KCNN2: variants seen among roughly 807,000 people sequenced by gnomAD.
KCNN2 encodes the protein small conductance calcium-activated potassium channel protein 2.
A neutral mutation model predicts 55.5 loss-of-function variants in KCNN2; 24 were observed. The observed-to-expected ratio is 0.43, with a 90% CI of 0.31 to 0.61. KCNN2 has a LOEUF of 0.61. Among genes scored for constraint, KCNN2 ranks in the 20% least tolerant of loss-of-function variants. The pLI is 0.08. For missense variants in KCNN2, 754 were observed against 853.6 expected, an observed-to-expected ratio of 0.88 and a Z score of 1.45; for synonymous variants, 431 against 336.1, an observed-to-expected ratio of 1.28 and a Z score of -3.09.
intron 1 of KCNN2, among the ~76,000 whole-genome samples, chr5:114,221,069 C>T (rs140023984): frequency 6.6e-6 from 1 of 152,326 alleles, no homozygotes; most frequent in African/African-American, 2.4e-5. Context: ...AATATCACCA[C>T]TATCCTATAT....
At chr5:114,062,442 T>C (rs1276779024) in intron 1 of KCNN2, among the ~76,000 whole-genome samples, 1 of 152,226 alleles carries the variant, frequency 6.6e-6, no homozygotes, top group Non-Finnish European at 1.5e-5. Context: ...AAAATAGGTT[T>C]ACTGATCATT....
At chr5:114,342,711 T>C (rs1433604672) in intron 2 of KCNN2, among the ~76,000 whole-genome samples, 1 of 152,220 alleles carries the variant, frequency 6.6e-6, no homozygotes, top group Non-Finnish European at 1.5e-5. Flanking sequence ...TATTCTTTCT[T>C]AACAGACTGT....
At chr5:114,250,158 C>A (rs1037302491) in intron 2 of KCNN2, among the ~76,000 whole-genome samples, 4 of 151,996 alleles carry the variant, frequency 2.6e-5, no homozygotes, top group African/African-American at 9.7e-5. Context: ...TTATAAAGAA[C>A]CAGGAAATAC....
chr5:114,355,877 C>A (rs1269885345), intron 2 of KCNN2, among the ~76,000 whole-genome samples: 2 of 152,080 alleles, frequency 1.3e-5, no homozygotes, highest in Non-Finnish European at 2.9e-5. Flanking sequence ...TTTTAAAATA[C>A]ATTTTAATTA....
At chr5:114,105,831 GTTTA>G (rs1751471769) in intron 1 of KCNN2, among the ~76,000 whole-genome samples, 1 of 151,818 alleles carries the variant, frequency 6.6e-6, no homozygotes, top group African/African-American at 2.4e-5. Context: ...TATATATTTA[GTTTA>G]TTTGTCTGGG....
In KCNN2 at chr5:114,449,879, T is replaced by TAC. The variant is rs745574908; in HGVS notation, c.1638-13141_1638-13140dup. 6.6e-3 allele frequency among the ~76,000 whole-genome samples: 620 copies of TAC among 93,442 alleles called. 4 individuals carry two copies. Among genetic ancestry groups the TAC allele is most frequent in the African/African-American group, 0.013 (448 of 35,002 alleles). The allele number at this position is 93,442 out of a possible 152,430, so 61.3% of individuals were successfully genotyped here. A position where few individuals can be genotyped will look rare whatever the true frequency, so the allele number is the denominator to read the frequency against. Reference sequence around the variant, plus strand: ...TTAGAATAGAGTAAGCATCCAAACATACACACACACACACACACACACACA... The same window carrying TAC: ...TTAGAATAGAGTAAGCATCCAAACATACACACACACACACACACACACACACA... On this transcript the variant is annotated intron_variant, in intron 3 of 7. Transcript: ENST00000673685.
intron 2 of KCNN2, among the ~76,000 whole-genome samples, chr5:114,279,607 A>G (rs1462822024): frequency 1.3e-5 from 2 of 152,100 alleles, no homozygotes; most frequent in African/African-American, 4.8e-5. Context: ...AGCTTCATCC[A>G]TGTCCCTGCA....
chr5:114,465,060 G>A (rs755483742), intron 4 of KCNN2, among the ~76,000 whole-genome samples: 12 of 152,106 alleles, frequency 7.9e-5, no homozygotes, highest in Non-Finnish European at 1.5e-4. Context: ...TTTTTGTCAA[G>A]ATGGTACCCT....
intron 1 of KCNN2, among the ~76,000 whole-genome samples, chr5:114,145,288 T>G (rs892517212): frequency 6.6e-6 from 1 of 152,184 alleles, no homozygotes; most frequent in Admixed American, 6.5e-5. Flanking sequence ...CAATCAACAA[T>G]GGTATAGTGA....
chr5:114,330,766 G>A (rs1406052568), intron 2 of KCNN2, among the ~76,000 whole-genome samples: 4 of 152,108 alleles, frequency 2.6e-5, no homozygotes, highest in Non-Finnish European at 5.9e-5. Context: ...GCTCCTGTGG[G>A]CACATACCAT....
chr5:114,177,211 C>T lies in KCNN2; in HGVS notation c.-270-44269C>T, dbSNP rs1753151443. Reference sequence around the variant, plus strand: ...GGAGTGCAGTGGCGCGATCTCGGCTCACTGCAAGCTCCGCCTCCCGGGATC... The same window carrying T: ...GGAGTGCAGTGGCGCGATCTCGGCTTACTGCAAGCTCCGCCTCCCGGGATC... On this transcript the variant is annotated intron_variant, in intron 1 of 10. Transcript: ENST00000512097. Among the ~76,000 whole-genome samples, 2 of 150,744 alleles carry T rather than the reference C, an allele frequency of 1.3e-5. 1 individual carries two copies. Among genetic ancestry groups the T allele is most frequent in the African/African-American group, 4.9e-5 (2 of 40,884 alleles).
chr5:114,183,343 A>G (rs899359524), intron 1 of KCNN2, among the ~76,000 whole-genome samples: 1 of 152,006 alleles, frequency 6.6e-6, no homozygotes, highest in African/African-American at 2.4e-5. Flanking sequence ...GTCATTTTTT[A>G]ATATTGGGAT....
intron 1 of KCNN2, among the ~76,000 whole-genome samples, chr5:114,179,498 A>G (rs1442085386): frequency 3.3e-5 from 5 of 152,252 alleles, no homozygotes; most frequent in Non-Finnish European, 7.3e-5. Context: ...GTAGAGGCAC[A>G]GGGTCAAGAA....
intron 1 of KCNN2, among the ~76,000 whole-genome samples, chr5:114,199,752 C>T (rs1213419388): frequency 1.3e-5 from 2 of 152,120 alleles, no homozygotes; most frequent in Middle Eastern, 6.8e-3. Context: ...CTTTATTTCT[C>T]CATTATTATG....
At chr5:114,188,603 TA>T (rs1466748206) in intron 1 of KCNN2, among the ~76,000 whole-genome samples, 2 of 152,070 alleles carry the variant, frequency 1.3e-5, no homozygotes, top group South Asian at 2.1e-4. Context: ...TTAAGACTAA[TA>T]AAAAAATTCA....
intron 2 of KCNN2, among the ~76,000 whole-genome samples, chr5:114,277,718 A>G (rs963546022): frequency 2.0e-5 from 3 of 152,064 alleles, no homozygotes; most frequent in Non-Finnish European, 2.9e-5. Context: ...TACACTGTTT[A>G]TTCTAGTTAG....
At chr5:114,383,465 T>C (rs1758187506) in intron 2 of KCNN2, among the ~76,000 whole-genome samples, 1 of 24,970 alleles carries the variant, frequency 4.0e-5, no homozygotes. Context: ...CACTAAATGC[T>C]TTTTTTTTTT....
intron 2 of KCNN2, among the ~76,000 whole-genome samples, chr5:114,238,363 C>A (rs1253302982): frequency 6.6e-6 from 1 of 152,058 alleles, no homozygotes; most frequent in African/African-American, 2.4e-5. Context: ...CAGTGGCTCA[C>A]GCCTGTAATC....
At chr5:114,449,906 A>ACGCG (rs1462845600) in intron 3 of KCNN2, among the ~76,000 whole-genome samples, 5 of 29,272 alleles carry the variant, frequency 1.7e-4, no homozygotes, top group Admixed American at 6.7e-4. Flanking sequence ...ACACACACAC[A>ACGCG]CACGCGCGCG....
Sources: allele counts gnomAD v4.1 joint callset (sites outside exome capture counted in the v4.1 genomes callset), GRCh38; gene constraint gnomAD v4.1.1; transcripts MANE v1.5; gene names NCBI Gene and HGNC (gene_info 2026-07-23, HGNC 2026-07-21).